The following CEP112 variants were observed in gnomAD, a reference collection of about 807,000 sequenced individuals.
CEP112 encodes centrosomal protein of 112 kDa.
Under a neutral mutation model 153.0 loss-of-function variants are expected in CEP112, and 127 were observed. That is an observed-to-expected ratio of 0.83 (90% confidence interval 0.72 to 0.96). CEP112 has a LOEUF of 0.96. Among genes scored for constraint, CEP112 ranks in the 40% least tolerant of loss-of-function variants. The pLI, the probability that CEP112 is intolerant of heterozygous loss-of-function variation, is 0.00. For synonymous variants in CEP112, 358 were observed against 374.4 expected, an observed-to-expected ratio of 0.96 and a Z score of 0.51; for missense variants, 1,089 against 1,101.2, an observed-to-expected ratio of 0.99 and a Z score of 0.16.
chr17:65,727,908 G>C (rs1297950900), intron 23 of CEP112, among the ~76,000 whole-genome samples: 1 of 152,196 alleles, frequency 6.6e-6, no homozygotes, highest in Non-Finnish European at 1.5e-5. Context: ...CACCCACTGG[G>C]AGGAAGAGAG....
At chr17:65,987,666 C>A (rs2063457178) in intron 17 of CEP112, among the ~76,000 whole-genome samples, 2 of 133,438 alleles carry the variant, frequency 1.5e-5, no homozygotes, top group Admixed American at 7.0e-5. Context: ...GAGATTATCA[C>A]CAGCAATATC....
intron 23 of CEP112, among the ~76,000 whole-genome samples, chr17:65,741,348 A>C (rs1394095054): frequency 2.0e-5 from 3 of 152,114 alleles, no homozygotes; most frequent in Non-Finnish European, 4.4e-5. Flanking sequence ...TAGGTTAGTA[A>C]AAAAGAAATG....
intron 2 of CEP112, among the ~76,000 whole-genome samples, chr17:66,180,248 T>C (rs947317976): frequency 1.3e-5 from 2 of 152,144 alleles, no homozygotes; most frequent in Non-Finnish European, 2.9e-5. Context: ...TTTGAATAGT[T>C]TGAGTAAGAT....
intron 21 of CEP112, among the ~76,000 whole-genome samples, chr17:65,758,710 C>G (rs1265365683): frequency 6.6e-6 from 1 of 152,096 alleles, no homozygotes. Flanking sequence ...AATATAATAG[C>G]ATAAGTTTCT....
intron 24 of CEP112, among the ~76,000 whole-genome samples, chr17:65,681,886 G>T (rs950890984): frequency 4.6e-5 from 7 of 151,688 alleles, no homozygotes; most frequent in African/African-American, 1.7e-4. Flanking sequence ...CACCATGTTG[G>T]CCAGGCTGGT....
chr17:65,944,431 A>G (rs1281678549), intron 18 of CEP112, among the ~76,000 whole-genome samples: 2 of 152,238 alleles, frequency 1.3e-5, no homozygotes, highest in Non-Finnish European at 2.9e-5. Flanking sequence ...ATCAGCTTTC[A>G]TATATCTTAA....
chr17:65,774,446 A>G (rs993796093), intron 21 of CEP112, among the ~76,000 whole-genome samples: 4 of 152,146 alleles, frequency 2.6e-5, no homozygotes, highest in Non-Finnish European at 5.9e-5. Context: ...AGAGAGACAC[A>G]AGCAGGGATG....
chr17:65,647,013 G>A (rs11653985), intron 24 of CEP112, among the ~76,000 whole-genome samples: 2,166 of 152,208 alleles, frequency 0.014, 20 homozygotes, highest in Non-Finnish European at 0.021. Context: ...CAAATGCAAC[G>A]TATATGTCTG....
intron 17 of CEP112, among the ~76,000 whole-genome samples, chr17:66,000,771 G>A (rs1387564677): frequency 6.6e-6 from 1 of 152,216 alleles, no homozygotes; most frequent in Non-Finnish European, 1.5e-5. Flanking sequence ...GTTGTGCAGG[G>A]CAAGCCTGAA....
In CEP112 at chr17:65,750,743, T is replaced by C; in HGVS notation, c.2395-19A>G. 3 of 1,611,372 alleles carry C rather than the reference T, an allele frequency of 1.9e-6. No homozygotes were observed. Among genetic ancestry groups the C allele is most frequent in the Middle Eastern group, 1.7e-4 (1 of 6,060 alleles). On this transcript the variant is annotated intron_variant, in intron 21 of 26. Transcript: ENST00000535342. ...TGTTGGCCTGAAAAACACATGTACA[T>C]GAACACATACACAGTGACCTGTGAG...
intron 20 of CEP112, among the ~76,000 whole-genome samples, chr17:65,887,616 G>T (rs1238535846): frequency 1.3e-5 from 2 of 152,194 alleles, no homozygotes; most frequent in African/African-American, 4.8e-5. Flanking sequence ...AAGCAGCTCA[G>T]CAAATGCGGT....
rs181106292 is a variant in CEP112 at position 65,853,502 on chromosome 17, G to A, written c.2164-1468C>T. Among the ~76,000 whole-genome samples the A allele has an allele frequency of 7.2e-5, 11 of 152,092 alleles. No homozygotes were observed. In the East Asian group the frequency reaches 1.9e-3, roughly 27 times the overall value. ...TCCCAGCACTTTGGGAGGCCGAGGC[G>A]GGTGGATCACAAGGTCAGGAGTTCA... On this transcript the variant is annotated intron_variant, in intron 20 of 26. Transcript: ENST00000535342.
chr17:65,735,563 T>A, intron 23 of CEP112, among the ~76,000 whole-genome samples: 1 of 56,934 alleles, frequency 1.8e-5, no homozygotes, highest in Middle Eastern at 0.01. Flanking sequence ...AATATCCTGA[T>A]TAACCTATCG....
chr17:66,032,354 A>G (rs201420301), intron 12 of CEP112, among the ~76,000 whole-genome samples: 2 of 1,918 alleles, frequency 1.0e-3, no homozygotes, highest in Non-Finnish European at 4.4e-3. Flanking sequence ...AACCAAGTGA[A>G]AAAAAAAAAA....
chr17:66,067,862 G>T (rs1195207087), intron 9 of CEP112, among the ~76,000 whole-genome samples: 1 of 152,056 alleles, frequency 6.6e-6, no homozygotes, highest in Non-Finnish European at 1.5e-5. Context: ...TCATCACATT[G>T]CACTGGGATA....
At chr17:65,649,717 C>CAAAAA (rs3077085) in intron 24 of CEP112, among the ~76,000 whole-genome samples, 4 of 114,556 alleles carry the variant, frequency 3.5e-5, no homozygotes, top group African/African-American at 6.6e-5. Flanking sequence ...GACCCTGTCT[C>CAAAAA]AAAAAAAAAA....
chr17:65,832,143 T>C (rs1383542813), intron 21 of CEP112, among the ~76,000 whole-genome samples: 2 of 152,040 alleles, frequency 1.3e-5, no homozygotes, highest in African/African-American at 2.4e-5. Context: ...TTAAAACTAA[T>C]GAAAACAAAG....
At chr17:65,727,017 C>G (rs982178845) in intron 23 of CEP112, among the ~76,000 whole-genome samples, 7 of 152,158 alleles carry the variant, frequency 4.6e-5, no homozygotes, top group African/African-American at 1.7e-4. Flanking sequence ...TCAGGGGGAA[C>G]TGCTGGCCCA....
intron 21 of CEP112, among the ~76,000 whole-genome samples, chr17:65,764,419 T>A (rs1257429381): frequency 6.6e-6 from 1 of 152,290 alleles, no homozygotes; most frequent in African/African-American, 2.4e-5. Flanking sequence ...TTGCTTTATA[T>A]ATTTAGGTGC....
Sources: allele counts gnomAD v4.1 joint callset (sites outside exome capture counted in the v4.1 genomes callset), GRCh38; gene constraint gnomAD v4.1.1; transcripts MANE v1.5; gene names NCBI Gene and HGNC (gene_info 2026-07-23, HGNC 2026-07-21).